TACC2: variants seen among roughly 807,000 people sequenced by gnomAD.
TACC2 encodes the protein transforming acidic coiled-coil containing protein 2.
In TACC2, 137 loss-of-function variants were observed where a neutral mutation model predicts 227.3. The observed-to-expected ratio is 0.60, with a 90% confidence interval of 0.52 to 0.69. The LOEUF (loss-of-function observed/expected upper bound fraction) is 0.69. TACC2 is among the 30% of genes least tolerant of loss of function. TACC2 has a pLI of 0.00. For missense variants in TACC2, 3,470 were observed against 3,694.4 expected (o/e 0.94, Z 1.57); for synonymous variants, 1,523 against 1,487.5 (o/e 1.02, Z -0.55).
chr10:122,066,804 C>A (rs1052911459), intron 3 of TACC2, among the ~76,000 whole-genome samples: 2 of 152,172 alleles, frequency 1.3e-5, no homozygotes, highest in African/African-American at 4.8e-5. Flanking sequence ...ATTTTTCCTC[C>A]TTTTTTGCCT....
rs192229988 is a variant in TACC2, at chr10:122,183,548, C to G, written c.5835-11492C>G. Among the ~76,000 whole-genome samples, 170 of 152,230 alleles carry G rather than the reference C, an allele frequency of 1.1e-3. 5 individuals are homozygous for G. The East Asian group carries it at 0.029, about 26-fold the overall frequency. Reference sequence around the variant, plus strand: ...CATGGCATAGACATGTGAGACACCCCCTCCTTGTTTGTATGAGCGAAAGGG... The same window carrying G: ...CATGGCATAGACATGTGAGACACCCGCTCCTTGTTTGTATGAGCGAAAGGG... On this transcript the variant is annotated intron_variant, in intron 7 of 22. Transcript: ENST00000369005.
At chr10:122,179,349 G>C (rs1475708669) in intron 7 of TACC2, among the ~76,000 whole-genome samples, 2 of 152,112 alleles carry the variant, frequency 1.3e-5, no homozygotes, top group African/African-American at 4.8e-5. Context: ...TGACATTTTT[G>C]TTACTCTTCA....
chr10:122,182,808 T>C (rs2094015159), intron 7 of TACC2, among the ~76,000 whole-genome samples: 1 of 152,060 alleles, frequency 6.6e-6, no homozygotes, highest in Non-Finnish European at 1.5e-5. Flanking sequence ...GAAAGGTAGA[T>C]ATACAAGAGG....
chr10:122,000,809 G>T (rs1446948157), intron 1 of TACC2, among the ~76,000 whole-genome samples: 48 of 151,566 alleles, frequency 3.2e-4, no homozygotes, highest in Admixed American at 3.2e-3. Context: ...TCTGTTTTTT[G>T]TTGTTGTTTT....
intron 8 of TACC2, among the ~76,000 whole-genome samples, chr10:122,196,850 GGT>G (rs769039178): frequency 2.0e-5 from 3 of 148,364 alleles, no homozygotes; most frequent in Non-Finnish European, 4.5e-5. Flanking sequence ...GCAGGAGAAT[GGT>G]GTGAACCCAG....
chr10:122,179,599 A>G (rs1175743062), intron 7 of TACC2, among the ~76,000 whole-genome samples: 1 of 151,404 alleles, frequency 6.6e-6, no homozygotes, highest in South Asian at 2.1e-4. Flanking sequence ...CCCTTCTTCC[A>G]CTCCTGCTCC....
At chr10:122,170,459 C>T (rs183693761) in intron 7 of TACC2, among the ~76,000 whole-genome samples, 12 of 151,708 alleles carry the variant, frequency 7.9e-5, no homozygotes, top group African/African-American at 1.9e-4. Context: ...TTAGTAGAGA[C>T]GGGGTTTTAA....
intron 5 of TACC2, among the ~76,000 whole-genome samples, chr10:122,128,800 C>T (rs1274087521): frequency 2.0e-5 from 3 of 152,016 alleles, no homozygotes; most frequent in Non-Finnish European, 4.4e-5. Flanking sequence ...ATTTCACCAC[C>T]GAAAGAGAAT....
At chr10:122,076,006 G>A (rs112283629) in intron 3 of TACC2, among the ~76,000 whole-genome samples, 6,218 of 152,032 alleles carry the variant, frequency 0.041, 184 homozygotes, top group South Asian at 0.12. Flanking sequence ...CACCATGTTG[G>A]CCAGGCTGGT....
intron 16 of TACC2, among the ~76,000 whole-genome samples, chr10:122,234,528 A>T (rs2095820412): frequency 6.6e-6 from 1 of 152,224 alleles, no homozygotes; most frequent in Non-Finnish European, 1.5e-5. Context: ...TGTTAAAAAC[A>T]ATTCTTGGTT....
Position 122,188,621 on chromosome 10 carries a change from G to C in TACC2, c.5835-6419G>C, listed in dbSNP as rs183707919. ...AGTTTAAATTCAGAATTGGGTTCCT[G>C]TTTCTTGCAACTGTATTCAATTAAC... On this transcript the variant is annotated intron_variant, in intron 7 of 22. Transcript: ENST00000369005. Among the ~76,000 whole-genome samples, 519 of 152,260 alleles carry C rather than the reference G, an allele frequency of 3.4e-3. 12 individuals carry two copies. The highest frequency in any genetic ancestry group is 0.031 in the Admixed American group (467 of 15,280).
At chr10:122,101,341 C>A (rs2082116491) in intron 5 of TACC2, among the ~76,000 whole-genome samples, 1 of 152,128 alleles carries the variant, frequency 6.6e-6, no homozygotes, top group Non-Finnish European at 1.5e-5. Context: ...TGGAAGGAGT[C>A]CCCTGCAATG....
At chr10:122,069,838 A>G (rs1189544886) in intron 3 of TACC2, among the ~76,000 whole-genome samples, 1 of 152,158 alleles carries the variant, frequency 6.6e-6, no homozygotes, top group African/African-American at 2.4e-5. Context: ...TCTCCCTTCA[A>G]GAGCTCCTTG....
At position 122,150,654 on chromosome 10, in the gene TACC2, G is replaced by A. The variant is rs915814651; in HGVS notation, c.5834+6948G>A. Among the ~76,000 whole-genome samples, 15 of 152,190 alleles carry A rather than the reference G, an allele frequency of 9.9e-5. No individual in the cohort carries two copies. Among genetic ancestry groups the A allele is most frequent in the Non-Finnish European group, 2.2e-4 (15 of 68,028 alleles). ...GGGAGGCAGGGCCCAGGGAGGTGGG[G>A]TAGGATGGGATATGGTACGAGCATG... On this transcript the variant is annotated intron_variant, in intron 7 of 22. Transcript: ENST00000369005. This position sits in a 1 kb window ranked among gnomAD's most constrained non-coding sequence, Gnocchi z 4.0.
At position 122,151,314 on chromosome 10, in the gene TACC2, C is replaced by T. The variant is rs112099201; in HGVS notation, c.5834+7608C>T. Among the ~76,000 whole-genome samples the T allele has an allele frequency of 1.1e-4, 16 of 152,280 alleles. No individual in the cohort carries two copies. In the East Asian group the frequency reaches 1.7e-3, roughly 17 times the overall value. ...AGTTGGGAAGGCTTCCCAGAGGAGG[C>T]GGCATCACCACTGAGTTTTGCAGCA... On this transcript the variant is annotated intron_variant, in intron 7 of 22. Coordinates refer to ENST00000369005, the MANE Select transcript of TACC2 (RefSeq NM_206862.4).
chr10:122,241,366 A>G (rs758313654), intron 18 of TACC2, among the ~76,000 whole-genome samples: 6 of 152,106 alleles, frequency 3.9e-5, no homozygotes, highest in Non-Finnish European at 8.8e-5. Flanking sequence ...ATCATAGCTC[A>G]CTGTAGCCTC....
intron 7 of TACC2, among the ~76,000 whole-genome samples, chr10:122,176,605 G>A (rs1041154348): frequency 6.6e-6 from 1 of 152,056 alleles, no homozygotes; most frequent in Non-Finnish European, 1.5e-5. Flanking sequence ...TGTAGAATGT[G>A]TGGCCTTGTA....
intron 7 of TACC2, among the ~76,000 whole-genome samples, chr10:122,193,816 G>A (rs1565566978): frequency 6.6e-6 from 1 of 152,208 alleles, no homozygotes; most frequent in Non-Finnish European, 1.5e-5. Flanking sequence ...CATAGGTGGA[G>A]CTGGCTTAGT....
chr10:122,235,528 G>A (rs1270296078), intron 16 of TACC2, among the ~76,000 whole-genome samples: 1 of 152,114 alleles, frequency 6.6e-6, no homozygotes, highest in Non-Finnish European at 1.5e-5. Flanking sequence ...GTGAGCCACC[G>A]CACACGGCCC....
Sources: gnomAD v4.1 joint callset for allele counts (sites outside exome capture counted in the v4.1 genomes callset) on GRCh38, gnomAD v4.1.1 for gene constraint, Gnocchi (gnomAD v3.1) non-coding constraint, MANE v1.5 for transcripts, NCBI Gene and HGNC (gene_info 2026-07-23, HGNC 2026-07-21) for gene names.